TCERG1: variants seen among roughly 807,000 people sequenced by gnomAD.
The protein encoded by TCERG1 is transcription elongation regulator 1.
TCERG1 carries 37 observed loss-of-function variants against 144.7 expected under a neutral mutation model. That is an observed-to-expected ratio of 0.26 (90% CI 0.20 to 0.34). The LOEUF (loss-of-function observed/expected upper bound fraction) is 0.34. TCERG1 is among the 10% of genes least tolerant of loss of function. The probability of loss-of-function intolerance (pLI) is 1.00; values close to 1 mark genes in which losing one functional copy is unlikely to be tolerated. For missense variants in TCERG1, 1,027 were observed against 1,380.7 expected (o/e 0.74, Z 4.06); for synonymous variants, 492 against 458.2 (o/e 1.07, Z -0.94).
intron 14 of TCERG1, 38 bp downstream of exon 14, chr5:146,482,765 G>A: frequency 6.4e-7 from 1 of 1,560,208 alleles, no homozygotes; most frequent in Non-Finnish European, 8.7e-7. Context: ...TTTCTGTTTT[G>A]TATAAGTAAT....
intron 1 of TCERG1, among the ~76,000 whole-genome samples, chr5:146,447,695 G>T (rs551152367): frequency 2.5e-4 from 38 of 152,338 alleles, no homozygotes; most frequent in Admixed American, 9.8e-4. Context: ...CGGTGCTCCC[G>T]CCTTTGGGCC....
intron 2 of TCERG1, among the ~76,000 whole-genome samples, chr5:146,456,394 A>G (rs1762840444): frequency 6.6e-6 from 1 of 152,236 alleles, no homozygotes; most frequent in South Asian, 2.1e-4. Flanking sequence ...TCATTGAAAT[A>G]TATCAAATGT....
chr5:146,487,693 C>T (rs988107573), intron 15 of TCERG1, among the ~76,000 whole-genome samples: 1 of 150,064 alleles, frequency 6.7e-6, no homozygotes, highest in Non-Finnish European at 1.5e-5. Flanking sequence ...ATGACCGCTA[C>T]TGCACTCCAG....
Position 146,507,060 on chromosome 5 carries a change from T to G in TCERG1, c.2814T>G (p.Thr938=). The G allele has an allele frequency of 6.2e-7, 1 of 1,610,774 alleles. No homozygotes were observed. Among genetic ancestry groups the G allele is most frequent in the South Asian group, 1.1e-5 (1 of 90,210 alleles). The change falls in exon 20 of 23, where the codon ACT becomes ACG. Residue 938 remains threonine, a synonymous_variant. Transcript: ENST00000679501. The surrounding 1 kb of genome is among the most constrained non-coding windows in gnomAD (Gnocchi z 4.6). ...VRSSDVSWSD[T]RRTLRKDHRW... is the part of the protein sequence containing the mutation. ...CTTCAGATGTGTCATGGTCTGATAC[T>G]CGTAGGACCCTCCGAAAAGATCACC...
At chr5:146,448,472 T>C (rs1762086993) in intron 1 of TCERG1, among the ~76,000 whole-genome samples, 1 of 152,232 alleles carries the variant, frequency 6.6e-6, no homozygotes, top group African/African-American at 2.4e-5. Flanking sequence ...TTGGTTTTTT[T>C]CTGTATGGGA....
intron 17 of TCERG1, 100 bp downstream of exon 17, chr5:146,498,786 A>G: frequency 1.5e-6 from 2 of 1,300,124 alleles, no homozygotes; most frequent in Non-Finnish European, 2.0e-6. Context: ...GGCATAAATA[A>G]TAGGACGTAC....
At chr5:146,477,025 A>G (rs555690791) in intron 9 of TCERG1, among the ~76,000 whole-genome samples, 1 of 152,178 alleles carries the variant, frequency 6.6e-6, no homozygotes, top group African/African-American at 2.4e-5. Context: ...CAGCATCTCA[A>G]AGTGCAGGTG....
rs528157517 is a variant in TCERG1, at chr5:146,486,935, C to T, written c.2163+3306C>T. Reference sequence around the variant, plus strand: ...ACTAAAAATATCTCTACTAAAAATACAAAAATTAGCCAGGGGTGGTGGTGC... The same window carrying T: ...ACTAAAAATATCTCTACTAAAAATATAAAAATTAGCCAGGGGTGGTGGTGC... On this transcript the variant is annotated intron_variant, in intron 15 of 22. Coordinates refer to ENST00000679501, the MANE Select transcript of TCERG1 (RefSeq NM_001382548.1). Among the ~76,000 whole-genome samples the T allele has an allele frequency of 5.9e-5, 9 of 152,064 alleles. No homozygotes were observed. In the South Asian group the frequency reaches 1.9e-3, roughly 32 times the overall value.
intron 4 of TCERG1, among the ~76,000 whole-genome samples, chr5:146,463,157 A>G (rs950769688): frequency 2.6e-5 from 4 of 152,162 alleles, no homozygotes; most frequent in African/African-American, 9.7e-5. Context: ...TTTCTAAACA[A>G]TTCCTTTTGG....
At chr5:146,482,823 TATG>T (rs1210541021) in intron 14 of TCERG1, 96 bp downstream of exon 14, 1 of 1,354,700 alleles carries the variant, frequency 7.4e-7, no homozygotes. Context: ...GTGCTCATGT[TATG>T]GGGGGGGATA....
rs1763086051 is a variant in TCERG1 at position 146,459,040 on chromosome 5, G to A, written c.595G>A (p.Ala199Thr). The A allele has an allele frequency of 2.5e-6, 4 of 1,610,696 alleles. No individual in the cohort carries two copies. The Admixed American group carries it at 5.0e-5, about 20-fold the overall frequency. ...GGCTCAGGCCCAGGCGCAGGCTCAG[G>A]CCCAGGCACAAGCTCAGGCCCAGGC... ...AQAQAQAQAQ[A>T]QAQAQAQAQA... The change falls in exon 4 of 23, where the codon GCC becomes ACC. Residue 199 changes from alanine to threonine, a missense_variant. This residue lies in a region of TCERG1 where 48 missense variants were observed against 80.9 expected (regional missense o/e 0.59). Coordinates refer to ENST00000679501, the MANE Select transcript of TCERG1 (RefSeq NM_001382548.1).
Position 146,469,531 on chromosome 5 carries a change from ATTC to A in TCERG1, c.1199-10_1199-8del. On this transcript the variant is annotated splice_polypyrimidine_tract_variant and intron_variant, in intron 6 of 22. Transcript: ENST00000679501. Reference sequence around the variant, plus strand: ...TGATACTTGGATCTAATTTTTTATTATTCTTTTTTTAGGTGTATTGCCAGGAAT... The same window carrying A: ...TGATACTTGGATCTAATTTTTTATTATTTTTTTAGGTGTATTGCCAGGAAT... 1.3e-6 allele frequency: 2 copies of A among 1,566,862 alleles called. No homozygotes were observed. Among genetic ancestry groups the A allele is most frequent in the Non-Finnish European group, 1.7e-6 (2 of 1,162,612 alleles).
At chr5:146,504,291 A>G (rs984662391) in intron 19 of TCERG1, 1 of 250,400 alleles carries the variant, frequency 4.0e-6, no homozygotes, top group African/African-American at 2.2e-5. Flanking sequence ...ATTGTAAACT[A>G]TTACACACTT....
At chr5:146,452,267 A>G (rs1006942432) in intron 1 of TCERG1, among the ~76,000 whole-genome samples, 1 of 151,582 alleles carries the variant, frequency 6.6e-6, no homozygotes, top group Non-Finnish European at 1.5e-5. Flanking sequence ...TAAAGAATAT[A>G]ATTGTTAATT....
chr5:146,485,728 C>G (rs1394798549), intron 15 of TCERG1, among the ~76,000 whole-genome samples: 1 of 152,106 alleles, frequency 6.6e-6, no homozygotes, highest in African/African-American at 2.4e-5. Context: ...GAGTCTTGCT[C>G]TGTTGCCCAG....
chr5:146,461,683 T>G (rs1451128150), intron 4 of TCERG1, among the ~76,000 whole-genome samples: 3 of 152,192 alleles, frequency 2.0e-5, no homozygotes, highest in Non-Finnish European at 4.4e-5. Flanking sequence ...TATAGTACTT[T>G]GGATCACAAT....
At chr5:146,509,453 T>TA (rs1768280590) in intron 22 of TCERG1, among the ~76,000 whole-genome samples, 1 of 151,962 alleles carries the variant, frequency 6.6e-6, no homozygotes, top group Non-Finnish European at 1.5e-5. Context: ...TGTCAATTCT[T>TA]ATTTTGTGTT....
intron 5 of TCERG1, among the ~76,000 whole-genome samples, chr5:146,467,164 G>A (rs1222569524): frequency 6.6e-6 from 1 of 151,932 alleles, no homozygotes; most frequent in Non-Finnish European, 1.5e-5. Context: ...AAGAAATAAA[G>A]GTACTTTTCA....
chr5:146,478,302 C>T (rs560718192), intron 9 of TCERG1, 191 bp from the exon 10 acceptor site: 1 of 442,970 alleles, frequency 2.3e-6, no homozygotes, highest in Non-Finnish European at 3.7e-6. Context: ...ATATGTTGAT[C>T]TGTTATTTTT....
Sources: allele counts gnomAD v4.1 joint callset (sites outside exome capture counted in the v4.1 genomes callset), GRCh38; gene constraint gnomAD v4.1.1; regional missense constraint gnomAD v4.1.1; non-coding constraint Gnocchi (gnomAD v3.1); transcripts MANE v1.5; gene names NCBI Gene and HGNC (gene_info 2026-07-23, HGNC 2026-07-21).